DGAT2: variants seen among roughly 807,000 people sequenced by gnomAD.
The protein encoded by DGAT2 is acyl-CoA retinol O-fatty-acyltransferase.
Under a neutral mutation model 48.4 loss-of-function variants are expected in DGAT2, and 33 were observed. The observed-to-expected ratio is 0.68, with a 90% CI of 0.52 to 0.91. DGAT2 has a LOEUF of 0.91. DGAT2 is among the 40% of genes least tolerant of loss of function. The pLI, the probability that DGAT2 is intolerant of heterozygous loss-of-function variation, is 0.00. For synonymous variants in DGAT2, 191 were observed against 194.1 expected, an observed-to-expected ratio of 0.98 and a Z score of 0.13; for missense variants, 446 against 493.7, an observed-to-expected ratio of 0.90 and a Z score of 0.92.
chr11:75,769,622 A>C (rs1944736423), intron 1 of DGAT2, among the ~76,000 whole-genome samples: 1 of 152,074 alleles, frequency 6.6e-6, no homozygotes, highest in Non-Finnish European at 1.5e-5. Context: ...AGGACCCTGC[A>C]TGTCCTCCAA....
chr11:75,792,990 C>T (rs1315697319), intron 4 of DGAT2: 1 of 152,234 alleles, frequency 6.6e-6, no homozygotes, highest in Non-Finnish European at 1.5e-5. Flanking sequence ...CTTTGCTCTT[C>T]TGTGGGTCTG....
At chr11:75,788,896 T>C (rs147961353) in intron 2 of DGAT2, among the ~76,000 whole-genome samples, 1 of 152,222 alleles carries the variant, frequency 6.6e-6, no homozygotes, top group East Asian at 1.9e-4. Context: ...GATATGTAGA[T>C]AGTATGATAT....
chr11:75,781,061 A>G (rs1038461830), intron 1 of DGAT2, among the ~76,000 whole-genome samples: 2 of 152,220 alleles, frequency 1.3e-5, no homozygotes, highest in African/African-American at 4.8e-5. Flanking sequence ...GCTTGTAATC[A>G]GCAGTTAGAA....
Position 75,800,428 on chromosome 11 carries a change from A to C in DGAT2, c.1087A>C (p.Met363Leu), listed in dbSNP as rs377676292. ...CATCGACCTGTACCACACCATGTACATGGAGGCCCTGGTGAAGCTCTTCGA... is the reference window on the plus strand; with the variant it reads ...CATCGACCTGTACCACACCATGTACCTGGAGGCCCTGGTGAAGCTCTTCGA... ...QDIDLYHTMY[M>L]EALVKLFDKH... Residue 363 changes from methionine to leucine, a missense_variant, in exon 8 of 8, where the codon ATG (methionine) becomes CTG (leucine). Physicochemically the swap from Met to Leu is conservative, Grantham distance 15. Transcript: ENST00000228027. 3.3e-5 allele frequency: 53 copies of C among 1,614,170 alleles called. No homozygotes were observed. The South Asian group carries it at 5.6e-4, about 17-fold the overall frequency.
In DGAT2 at chr11:75,797,179, A is replaced by G; in HGVS notation, c.656A>G (p.Asp219Gly). 6.6e-7 allele frequency: 1 copy of G among 1,507,840 alleles called. No homozygotes were observed. The highest frequency in any genetic ancestry group is 1.3e-5 in the South Asian group (1 of 76,028). The allele number at this position is 1,507,840 out of a possible 1,614,324, so 93.4% of individuals were successfully genotyped here. A position where few individuals can be genotyped will look rare whatever the true frequency, so the allele number is the denominator to read the frequency against. Residue 219 changes from aspartate to glycine, a missense_variant, in exon 6 of 8, where the codon GAC becomes GGC. Physicochemically the swap from Asp to Gly is moderately conservative, Grantham distance 94 (BLOSUM62 -1). Transcript: ENST00000228027. Reference protein sequence around the residue: ...MSGGICPVSRDTIDYLLSKNG... With the variant: ...MSGGICPVSRGTIDYLLSKNG... ...TCAGGTATCTGCCCTGTCAGCCGGGACACCATAGACTATTTGCTTTCAAAG... is the reference window on the plus strand; with the variant it reads ...TCAGGTATCTGCCCTGTCAGCCGGGGCACCATAGACTATTTGCTTTCAAAG...
intron 4 of DGAT2, among the ~76,000 whole-genome samples, chr11:75,791,555 T>A (rs1169606092): frequency 1.3e-5 from 2 of 152,210 alleles, no homozygotes; most frequent in Admixed American, 6.5e-5. Context: ...GCAGGACTTG[T>A]CCAGGCTGCA....
chr11:75,774,301 A>G (rs1944785298), intron 1 of DGAT2, among the ~76,000 whole-genome samples: 1 of 152,212 alleles, frequency 6.6e-6, no homozygotes, highest in Non-Finnish European at 1.5e-5. Flanking sequence ...AGCCTCAGCA[A>G]GCCACTACCC....
chr11:75,790,374 T>A, intron 3 of DGAT2, 79 bp downstream of exon 3: 1 of 1,238,528 alleles, frequency 8.1e-7, no homozygotes. Flanking sequence ...GGCCTCATCC[T>A]GAGTGCTGTT....
intron 4 of DGAT2, among the ~76,000 whole-genome samples, chr11:75,791,879 T>C (rs1048957220): frequency 2.0e-5 from 3 of 152,266 alleles, no homozygotes; most frequent in African/African-American, 7.2e-5. Context: ...CTGATAGACT[T>C]TGTCACTTTC....
intron 1 of DGAT2, among the ~76,000 whole-genome samples, chr11:75,769,677 C>T (rs1489919402): frequency 1.3e-5 from 2 of 151,978 alleles, no homozygotes; most frequent in Non-Finnish European, 2.9e-5. Flanking sequence ...TTGAAATCAA[C>T]CCCCGCCCCG....
intron 2 of DGAT2, 111 bp downstream of exon 2, chr11:75,784,857 C>A (rs143481281): frequency 6.9e-7 from 1 of 1,441,840 alleles, no homozygotes; most frequent in Non-Finnish European, 9.5e-7. Context: ...GTAACTCTTA[C>A]ACATGCTGCC....
rs545297460 is a variant in DGAT2 at position 75,800,728 on chromosome 11, G to C, written c.*220G>C. On this transcript the variant is annotated 3_prime_UTR_variant, in exon 8 of 8. Coordinates refer to ENST00000228027, the MANE Select transcript of DGAT2 (RefSeq NM_032564.5). ...TGTTCTAGGTGGTGGCTAAATCTGG[G>C]CCTAATCTGGGTGGCTCAGCTAACC... The C allele has an allele frequency of 3.6e-6, 2 of 550,896 alleles. No homozygotes were observed. Among genetic ancestry groups the C allele is most frequent in the Non-Finnish European group, 6.2e-6 (2 of 320,582 alleles). 34.1% of individuals were successfully genotyped at this position (550,896 alleles called of 1,614,324 possible).
At chr11:75,786,189 A>G (rs758983737) in intron 2 of DGAT2, among the ~76,000 whole-genome samples, 3 of 138,306 alleles carry the variant, frequency 2.2e-5, no homozygotes, top group Admixed American at 6.8e-5. Flanking sequence ...AGCAAACTAA[A>G]CAGTCTCCCT....
At chr11:75,797,092 TGTGTGCCGGGGATGGGGA>T in intron 5 of DGAT2, 48 bp from the exon 6 acceptor site, 1 of 1,410,776 alleles carries the variant, frequency 7.1e-7, no homozygotes, top group Non-Finnish European at 9.4e-7. Flanking sequence ...TATACCTGAC[TGTGTGCCGGGGATGGGGA>T]GTGGATCCAT....
At position 75,798,277 on chromosome 11, in the gene DGAT2, A is replaced by C; in HGVS notation, c.860A>C (p.Gln287Pro). Residue 287 changes from glutamine to proline, a missense_variant, in exon 7 of 8, where the codon CAG becomes CCG. Physicochemically the swap from Gln to Pro is moderately conservative, Grantham distance 76. Coordinates refer to ENST00000228027, the MANE Select transcript of DGAT2 (RefSeq NM_032564.5). ...YSFGENEVYK[Q>P]VIFEEGSWGR... is the part of the protein sequence containing the mutation. ...TTTGGAGAGAATGAAGTGTACAAGC[A>C]GGTGATCTTCGAGGAGGGCTCCTGG... 6.2e-7 allele frequency: 1 copy of C among 1,614,216 alleles called. No individual in the cohort carries two copies. Among genetic ancestry groups the C allele is most frequent in the Non-Finnish European group, 8.5e-7 (1 of 1,180,038 alleles).
intron 1 of DGAT2, among the ~76,000 whole-genome samples, chr11:75,778,198 C>A (rs1054543492): frequency 1.3e-5 from 2 of 152,274 alleles, no homozygotes; most frequent in East Asian, 3.9e-4. Context: ...CACTCACCCC[C>A]CTTTCTGGGT....
chr11:75,779,760 G>T (rs1944840424), intron 1 of DGAT2, among the ~76,000 whole-genome samples: 1 of 152,214 alleles, frequency 6.6e-6, no homozygotes, highest in Admixed American at 6.5e-5. Context: ...TCTGTAGGTA[G>T]CAGGGTTGTG....
At chr11:75,774,737 A>G (rs1944788782) in intron 1 of DGAT2, among the ~76,000 whole-genome samples, 1 of 152,180 alleles carries the variant, frequency 6.6e-6, no homozygotes, top group African/African-American at 2.4e-5. Flanking sequence ...TAAGTGCCCC[A>G]GAAGAACCTG....
Position 75,800,487 on chromosome 11 carries a change from T to C in DGAT2, c.1146T>C (p.Thr382=), listed in dbSNP as rs775270613. 1.2e-6 allele frequency: 2 copies of C among 1,614,080 alleles called. No homozygotes were observed. The highest frequency in any genetic ancestry group is 1.7e-6 in the Non-Finnish European group (2 of 1,179,978). The change falls in exon 8 of 8, where the codon ACT becomes ACC. Residue 382 remains threonine (T), a synonymous_variant. Transcript: ENST00000228027. ...AGACCAAGTTCGGCCTCCCGGAGAC[T>C]GAGGTCCTGGAGGTGAACTGAGCCA... is the stretch of plus-strand genomic sequence containing the variant. ...KHKTKFGLPE[T]EVLEVN is the part of the protein sequence containing the mutation.
Sources: gnomAD v4.1 joint callset for allele counts (sites outside exome capture counted in the v4.1 genomes callset) on GRCh38, gnomAD v4.1.1 for gene constraint, MANE v1.5 for transcripts, NCBI Gene and HGNC (gene_info 2026-07-23, HGNC 2026-07-21) for gene names.